Variants in CABCOCO1 observed in about 807,000 individuals in gnomAD.
The protein encoded by CABCOCO1 is ciliary associated calcium binding coiled-coil 1, also known as ciliary-associated calcium-binding coiled-coil protein 1.
Under a neutral mutation model 35.7 loss-of-function variants are expected in CABCOCO1, and 28 were observed. The ratio of observed to expected loss-of-function variants is 0.78; its 90% CI spans 0.58 to 1.07. CABCOCO1 has a LOEUF of 1.07. CABCOCO1 is among the 50% of genes least tolerant of loss of function. CABCOCO1 has a pLI of 0.00. For synonymous variants in CABCOCO1, 95 were observed against 100.1 expected (o/e 0.95, Z 0.30); for missense variants, 326 against 309.2 (o/e 1.05, Z -0.41).
At chr10:61,725,999 A>G (rs2132047446) in intron 5 of CABCOCO1, among the ~76,000 whole-genome samples, 1 of 152,316 alleles carries the variant, frequency 6.6e-6, no homozygotes, top group Admixed American at 6.5e-5. Context: ...CAGATCAGCA[A>G]CTTTGTATGT....
intron 5 of CABCOCO1, among the ~76,000 whole-genome samples, chr10:61,743,621 T>C (rs1354249043): frequency 6.6e-6 from 1 of 152,176 alleles, no homozygotes; most frequent in Non-Finnish European, 1.5e-5. Flanking sequence ...ATACCAAAGC[T>C]GGGGCTGAAC....
intron 7 of CABCOCO1, among the ~76,000 whole-genome samples, chr10:61,764,347 C>T (rs10994914): frequency 0.03 from 4,564 of 152,058 alleles, 83 homozygotes; most frequent in Non-Finnish European, 0.045. Context: ...TTTAATAAGG[C>T]AGGAGTAACA....
rs1425974312 is a variant in CABCOCO1, at chr10:61,690,586, T to C, written c.517T>C (p.Tyr173His). 2.5e-6 allele frequency: 4 copies of C among 1,607,094 alleles called. No individual in the cohort carries two copies. Among genetic ancestry groups the C allele is most frequent in the South Asian group, 1.1e-5 (1 of 90,758 alleles). The change falls in exon 5 of 8, where the codon TAC becomes CAC. Residue 173 changes from tyrosine to histidine, a missense_variant. Coordinates refer to ENST00000648843, the MANE Select transcript of CABCOCO1 (RefSeq NM_001366906.2). ...CTACAAGCTATACGAGTTTATGTTC[T>C]ACTCTGCCAGGGAAGAAATTGTGAT... is the stretch of plus-strand genomic sequence containing the variant. Reference protein sequence around the residue: ...QHYKLYEFMFYSAREEIVIGT... With the variant: ...QHYKLYEFMFHSAREEIVIGT...
At chr10:61,685,105 C>T (rs781440019) in intron 3 of CABCOCO1, 6 of 152,048 alleles carry the variant, frequency 3.9e-5, no homozygotes, top group Non-Finnish European at 5.9e-5. Context: ...CTCTCACCAG[C>T]ACCACTGGGC....
chr10:61,738,642 AT>A (rs1383593637), intron 5 of CABCOCO1, among the ~76,000 whole-genome samples: 21 of 152,016 alleles, frequency 1.4e-4, no homozygotes, highest in Admixed American at 1.3e-4. Context: ...TCTCAAAAAA[AT>A]ATGTTGTCTT....
chr10:61,678,370 G>A (rs917268536), intron 2 of CABCOCO1, among the ~76,000 whole-genome samples: 1 of 152,220 alleles, frequency 6.6e-6, no homozygotes, highest in Admixed American at 6.5e-5. Flanking sequence ...ATGATGTCCA[G>A]TGCAAATTAA....
At chr10:61,765,830 T>G in intron 7 of CABCOCO1, 109 bp from the exon 8 acceptor site, 1 of 939,998 alleles carries the variant, frequency 1.1e-6, no homozygotes, top group East Asian at 2.5e-5. Context: ...GGAAGGTGTG[T>G]GAGGGATAAT....
At chr10:61,672,193 C>T (rs984520656) in intron 1 of CABCOCO1, among the ~76,000 whole-genome samples, 1 of 152,166 alleles carries the variant, frequency 6.6e-6, no homozygotes, top group Non-Finnish European at 1.5e-5. Context: ...TGTGCCTATG[C>T]TTGTCCTTTC....
At chr10:61,737,164 A>G (rs1300620014) in intron 5 of CABCOCO1, among the ~76,000 whole-genome samples, 4 of 152,078 alleles carry the variant, frequency 2.6e-5, no homozygotes, top group Non-Finnish European at 5.9e-5. Flanking sequence ...ATTGCTCCAA[A>G]GAAGACATAC....
In CABCOCO1 at chr10:61,689,247, G is replaced by A. The variant is rs959855996; in HGVS notation, c.480-1302G>A. Among the ~76,000 whole-genome samples the A allele has an allele frequency of 2.0e-5, 3 of 151,978 alleles. No individual in the cohort carries two copies. In the East Asian group the frequency reaches 5.8e-4, roughly 29 times the overall value. On this transcript the variant is annotated intron_variant, in intron 4 of 7. Coordinates refer to ENST00000648843, the MANE Select transcript of CABCOCO1 (RefSeq NM_001366906.2). ...CCAGTCTAATATTTTTTATCTTAAG[G>A]CTTTCTCTAGGTAACCAGCGTAAGT...
At chr10:61,694,807 G>A (rs1332968461) in intron 5 of CABCOCO1, among the ~76,000 whole-genome samples, 2 of 152,044 alleles carry the variant, frequency 1.3e-5, no homozygotes, top group African/African-American at 4.8e-5. Flanking sequence ...AACAAAAATT[G>A]GAGGGGGAAG....
intron 4 of CABCOCO1, among the ~76,000 whole-genome samples, chr10:61,689,214 A>G (rs1840057189): frequency 6.6e-6 from 1 of 152,192 alleles, no homozygotes; most frequent in East Asian, 1.9e-4. Context: ...ACTTAAAATC[A>G]GTTATTGCCA....
chr10:61,699,024 CT>C (rs540415030), intron 5 of CABCOCO1, among the ~76,000 whole-genome samples: 131 of 152,100 alleles, frequency 8.6e-4, no homozygotes, highest in Non-Finnish European at 1.6e-3. Flanking sequence ...TTGAAAAAGG[CT>C]TTTTTCTTGT....
intron 5 of CABCOCO1, among the ~76,000 whole-genome samples, chr10:61,707,450 T>C (rs971257884): frequency 3.3e-5 from 5 of 152,172 alleles, no homozygotes; most frequent in Admixed American, 1.3e-4. Context: ...ACTATCTGTT[T>C]AGCCATTTTC....
intron 7 of CABCOCO1, among the ~76,000 whole-genome samples, chr10:61,764,076 G>T (rs761494113): frequency 1.1e-4 from 16 of 151,964 alleles, no homozygotes; most frequent in Non-Finnish European, 2.1e-4. Flanking sequence ...ATTCTGTCTC[G>T]GTAAAATACC....
At chr10:61,720,880 G>A (rs1840989885) in intron 5 of CABCOCO1, among the ~76,000 whole-genome samples, 1 of 143,324 alleles carries the variant, frequency 7.0e-6, no homozygotes, top group Admixed American at 6.9e-5. Flanking sequence ...TGTATTGCTG[G>A]TCACCCACCT....
chr10:61,760,711 G>A (rs528372548), intron 6 of CABCOCO1, 152 bp from the exon 7 acceptor site: 18 of 831,862 alleles, frequency 2.2e-5, no homozygotes, highest in South Asian at 6.1e-5. Flanking sequence ...CATGGCACAC[G>A]TATACCTATG....
chr10:61,717,376 C>T (rs902625432), intron 5 of CABCOCO1, among the ~76,000 whole-genome samples: 3 of 151,898 alleles, frequency 2.0e-5, no homozygotes, highest in African/African-American at 4.8e-5. Context: ...AATTTTCTGG[C>T]GAATGGAACT....
intron 1 of CABCOCO1, among the ~76,000 whole-genome samples, chr10:61,665,802 G>A (rs1383047073): frequency 1.3e-5 from 2 of 151,364 alleles, no homozygotes; most frequent in Non-Finnish European, 2.9e-5. Context: ...CAGGAGAATG[G>A]CGTGAACCCG....
Sources: gnomAD v4.1 joint callset for allele counts (sites outside exome capture counted in the v4.1 genomes callset) on GRCh38, gnomAD v4.1.1 for gene constraint, MANE v1.5 for transcripts, NCBI Gene and HGNC (gene_info 2026-07-23, HGNC 2026-07-21) for gene names.